NUP160: variants seen among roughly 807,000 people sequenced by gnomAD.
The protein encoded by NUP160 is nucleoporin 160, also known as nuclear pore complex protein Nup160.
In NUP160, 94 loss-of-function variants were observed where a neutral mutation model predicts 196.9. The ratio of observed to expected loss-of-function variants is 0.48; its 90% CI spans 0.40 to 0.57. NUP160 has a LOEUF of 0.57. NUP160 is among the 20% of genes least tolerant of loss of function. The pLI is 0.00. For missense variants in NUP160, 1,638 were observed against 1,748.3 expected (o/e 0.94, Z 1.13); for synonymous variants, 605 against 619.7 (o/e 0.98, Z 0.35).
At chr11:47,822,269 T>C in intron 7 of NUP160, 105 bp from the exon 8 acceptor site, 1 of 720,556 alleles carries the variant, frequency 1.4e-6, no homozygotes, top group Non-Finnish European at 2.2e-6. Flanking sequence ...AAATTTTTTT[T>C]TTTTTGAAAG....
chr11:47,783,198 T>C, exon 34 of NUP160: 1 of 1,613,012 alleles, frequency 6.2e-7, no homozygotes, highest in Non-Finnish European at 8.5e-7. Context: ...GCATCAACCT[T>C]CTGTGAAAAG....
chr11:47,788,280 G>T lies in NUP160; in HGVS notation c.3648C>A (p.Val1216=), dbSNP rs533558791. Reference sequence around the variant, plus strand: ...AGAGGCCCGCCTGAACCAAGAGAGTGACCATTTCCTCTGCTGATGAACTTC... The same window carrying T: ...AGAGGCCCGCCTGAACCAAGAGAGTTACCATTTCCTCTGCTGATGAACTTC... Residue 1216 remains valine, a synonymous_variant, in exon 31 of 36, where the codon GTC becomes GTA. Transcript: ENST00000378460. The T allele has an allele frequency of 3.0e-5, 49 of 1,614,038 alleles. No homozygotes were observed. In the South Asian group the frequency reaches 4.9e-4, roughly 16 times the overall value.
chr11:47,825,454 C>CTTT lies in NUP160; in HGVS notation c.1102-3293_1102-3291dup, dbSNP rs776138457. Among the ~76,000 whole-genome samples the CTTT allele has an allele frequency of 6.1e-3, 752 of 122,830 alleles. 35 individuals are homozygous for CTTT. The highest frequency in any genetic ancestry group is 0.019 in the African/African-American group (599 of 32,116). The allele number at this position is 122,830 out of a possible 152,430, so 80.6% of individuals were successfully genotyped here. On this transcript the variant is annotated intron_variant, in intron 7 of 35. Transcript: ENST00000378460. ...ACCACCATGCCCAGCTAATTTTTGC[C>CTTT]TTTTTTTTTTTTTTTTGAGACGGAG...
intron 13 of NUP160, among the ~76,000 whole-genome samples, chr11:47,813,901 C>A (rs2097682598): frequency 6.6e-6 from 1 of 151,648 alleles, no homozygotes; most frequent in South Asian, 2.1e-4. Flanking sequence ...GAAACCCCGT[C>A]TCTACTAAAA....
chr11:47,805,883 C>T (rs544698346), intron 20 of NUP160, among the ~76,000 whole-genome samples: 10 of 151,868 alleles, frequency 6.6e-5, no homozygotes, highest in South Asian at 2.1e-4. Context: ...TGTGGTGGCG[C>T]GAGCTTGGCT....
At chr11:47,840,536 G>C (rs780763844) in exon 3 of NUP160, 16 of 1,613,670 alleles carry the variant, frequency 9.9e-6, no homozygotes, top group Admixed American at 3.3e-5. Flanking sequence ...TTATTCAACA[G>C]ATTTATGTCC....
intron 7 of NUP160, among the ~76,000 whole-genome samples, chr11:47,824,210 C>A (rs1851923039): frequency 6.6e-6 from 1 of 151,546 alleles, no homozygotes; most frequent in Non-Finnish European, 1.5e-5. Flanking sequence ...CAAAAGAGTT[C>A]TAATTTCTCC....
intron 27 of NUP160, among the ~76,000 whole-genome samples, chr11:47,795,118 T>A (rs2097670159): frequency 6.6e-6 from 1 of 151,946 alleles, no homozygotes; most frequent in African/African-American, 2.4e-5. Flanking sequence ...GAACATAGAT[T>A]CTCATTTTTA....
At chr11:47,806,728 A>T (rs1424948959) in intron 19 of NUP160, among the ~76,000 whole-genome samples, 1 of 151,684 alleles carries the variant, frequency 6.6e-6, no homozygotes, top group Non-Finnish European at 1.5e-5. Context: ...ACCATGAACG[A>T]ATAAATTTTT....
At chr11:47,788,158 A>G in intron 31 of NUP160, 24 bp downstream of exon 31, 1 of 1,590,858 alleles carries the variant, frequency 6.3e-7, no homozygotes, top group Non-Finnish European at 8.6e-7. Context: ...AGAAAAGACT[A>G]TAAAAAAATA....
intron 19 of NUP160, among the ~76,000 whole-genome samples, chr11:47,806,677 G>A (rs1042299222): frequency 6.6e-6 from 1 of 151,978 alleles, no homozygotes. Flanking sequence ...TCAAACATGA[G>A]GGATACTTTT....
At chr11:47,803,392 T>C (rs1565193941) in intron 22 of NUP160, 46 bp downstream of exon 22, 1 of 1,160,404 alleles carries the variant, frequency 8.6e-7, no homozygotes, top group Non-Finnish European at 1.3e-6. Context: ...GCAACTTCCT[T>C]GCGTTAAAGT....
chr11:47,824,784 C>T (rs978500505), intron 7 of NUP160, among the ~76,000 whole-genome samples: 1 of 151,610 alleles, frequency 6.6e-6, no homozygotes, highest in Non-Finnish European at 1.5e-5. Flanking sequence ...GTAATGCAGG[C>T]ATGTTCTACC....
chr11:47,823,949 T>C (rs1851911752), intron 7 of NUP160, among the ~76,000 whole-genome samples: 1 of 148,450 alleles, frequency 6.7e-6, no homozygotes, highest in Non-Finnish European at 1.5e-5. Context: ...TTGTGAGTAA[T>C]GCTACTATGT....
At chr11:47,784,879 TAA>T (rs1423699174) in intron 33 of NUP160, 41 bp downstream of exon 33, 3 of 1,438,028 alleles carry the variant, frequency 2.1e-6, no homozygotes, top group African/African-American at 2.9e-5. Context: ...TCCAGAATGA[TAA>T]AGAGTGGGTT....
chr11:47,847,935 G>C, exon 2 of NUP160: 1 of 1,614,094 alleles, frequency 6.2e-7, no homozygotes, highest in South Asian at 1.1e-5. Context: ...GTATTTTACG[G>C]CGCCAGCCAC....
At chr11:47,821,789 C>A (rs1162989083) in exon 9 of NUP160, 1 of 1,613,870 alleles carries the variant, frequency 6.2e-7, no homozygotes, top group South Asian at 1.1e-5. Context: ...CCCAGATATC[C>A]GTGGAAGTTA....
chr11:47,848,006 G>T, intron 1 of NUP160, 47 bp from the exon 2 acceptor site: 2 of 1,470,232 alleles, frequency 1.4e-6, no homozygotes, highest in South Asian at 1.1e-5. Flanking sequence ...TCTGAGAAAT[G>T]ACAGGGACTA....
At chr11:47,845,904 C>T (rs1358198949) in intron 2 of NUP160, among the ~76,000 whole-genome samples, 1 of 152,076 alleles carries the variant, frequency 6.6e-6, no homozygotes, top group Admixed American at 6.6e-5. Context: ...AGGCCGAGAA[C>T]GGGGCACTGC....
Sources: gnomAD v4.1 joint callset for allele counts (sites outside exome capture counted in the v4.1 genomes callset) on GRCh38, gnomAD v4.1.1 for gene constraint, MANE v1.5 for transcripts, NCBI Gene and HGNC (gene_info 2026-07-23, HGNC 2026-07-21) for gene names.